NACC1: variants seen among roughly 807,000 people sequenced by gnomAD.
The protein encoded by NACC1 is nucleus accumbens associated 1, also known as nucleus accumbens-associated protein 1.
Under a neutral mutation model 41.7 loss-of-function variants are expected in NACC1, and 6 were observed. The ratio of observed to expected loss-of-function variants is 0.14; its 90% confidence interval spans 0.08 to 0.28. NACC1 has a LOEUF of 0.28. NACC1 is among the 10% of genes least tolerant of loss of function. NACC1 has a pLI of 1.00. For synonymous variants in NACC1, 338 were observed against 330.6 expected, an observed-to-expected ratio of 1.02 and a Z score of -0.24; for missense variants, 434 against 763.7, an observed-to-expected ratio of 0.57 and a Z score of 5.09.
chr19:13,130,120 A>G (rs779878641), intron 1 of NACC1, among the ~76,000 whole-genome samples: 2 of 152,106 alleles, frequency 1.3e-5, no homozygotes, highest in African/African-American at 2.4e-5. Flanking sequence ...TCTATGACCC[A>G]GGCTGAAATA....
intron 1 of NACC1, among the ~76,000 whole-genome samples, chr19:13,134,857 T>A (rs1021980853): frequency 1.3e-5 from 2 of 152,220 alleles, no homozygotes; most frequent in Non-Finnish European, 2.9e-5. Context: ...GGTAGCACAC[T>A]GTGTCCTAGC....
rs201327710 is a variant in NACC1 at position 13,136,233 on chromosome 19, C to G, written c.948C>G (p.Ala316=). The G allele has an allele frequency of 6.2e-7, 1 of 1,611,510 alleles. No individual in the cohort carries two copies. The highest frequency in any genetic ancestry group is 1.3e-5 in the African/African-American group (1 of 74,894). ...TCGCGTGCCACTCTCTCCCTGCAGCCGAGAAGGTGGAGGCCCTCCCGGAGC... is the reference window on the plus strand; with the variant it reads ...TCGCGTGCCACTCTCTCCCTGCAGCGGAGAAGGTGGAGGCCCTCCCGGAGC... ...MYSMMNVGQT[A]EKVEALPEQV... The change falls in exon 3 of 6, where the codon GCC becomes GCG. Residue 316 remains alanine, a splice_region_variant and synonymous_variant. Transcript: ENST00000292431. This position sits in a 1 kb window ranked among gnomAD's most constrained non-coding sequence, Gnocchi z 5.5.
rs1178993941 is a variant in NACC1, at chr19:13,140,581, C to A, written c.*2175C>A. The A allele has an allele frequency of 7.1e-6, 1 of 140,574 alleles. No individual in the cohort carries two copies. The highest frequency in any genetic ancestry group is 2.6e-5 in the African/African-American group (1 of 37,882). The allele number at this position is 140,574 out of a possible 1,614,324, so 8.7% of individuals were successfully genotyped here. A position where few individuals can be genotyped will look rare whatever the true frequency, so the allele number is the denominator to read the frequency against. ...CAGAGCCCACTTGTTTCAGGGACCC[C>A]AGGAGGTGCCCCCTGGCTCCCAGGA... On this transcript the variant is annotated 3_prime_UTR_variant, in exon 6 of 6. Transcript: ENST00000292431. The surrounding 1 kb of genome is among the most constrained non-coding windows in gnomAD (Gnocchi z 4.0).
intron 1 of NACC1, among the ~76,000 whole-genome samples, chr19:13,134,049 G>T (rs1196137028): frequency 6.6e-6 from 1 of 152,022 alleles, no homozygotes; most frequent in Non-Finnish European, 1.5e-5. Flanking sequence ...TTTCATGTAA[G>T]TTATTTATTT....
Position 13,136,433 on chromosome 19 carries a change from C to T in NACC1, c.1120+28C>T, listed in dbSNP as rs1433788589. 5.0e-6 allele frequency: 8 copies of T among 1,587,052 alleles called. No individual in the cohort carries two copies. Among genetic ancestry groups the T allele is most frequent in the Non-Finnish European group, 6.9e-6 (8 of 1,166,442 alleles). ...GGGCCGGTCTCGCCCCAGATCTCTC[C>T]CCTCCGCAGCTTTGGAGCCGGCTGG... On this transcript the variant is annotated intron_variant, in intron 3 of 5. Transcript: ENST00000292431. This position sits in a 1 kb window ranked among gnomAD's most constrained non-coding sequence, Gnocchi z 5.5.
chr19:13,124,246 A>G (rs534083542), intron 1 of NACC1, among the ~76,000 whole-genome samples: 1 of 152,178 alleles, frequency 6.6e-6, no homozygotes, highest in South Asian at 2.1e-4. Context: ...CTAAAAATAC[A>G]AAAATTAGCC....
rs1338824100 is a variant in NACC1, at chr19:13,137,617, C to T, written c.1324+42C>T. 4.0e-6 allele frequency: 6 copies of T among 1,503,836 alleles called. No homozygotes were observed. Among genetic ancestry groups the T allele is most frequent in the East Asian group, 2.5e-5 (1 of 40,088 alleles). 93.2% of individuals were successfully genotyped at this position (1,503,836 alleles called of 1,614,324 possible). ...CTGGACGAGGCGTGGGCCCGGGGCA[C>T]GCAGGTTGACGTTTTTTCCCAGCCT... On this transcript the variant is annotated intron_variant, in intron 5 of 5. Coordinates refer to ENST00000292431, the MANE Select transcript of NACC1 (RefSeq NM_052876.4). This position sits in a 1 kb window ranked among gnomAD's most constrained non-coding sequence, Gnocchi z 6.1.
chr19:13,125,142 CAG>C (rs772337056), intron 1 of NACC1, among the ~76,000 whole-genome samples: 2 of 152,108 alleles, frequency 1.3e-5, no homozygotes, highest in African/African-American at 2.4e-5. Flanking sequence ...GCCTGGGTGA[CAG>C]AGCAAGACCC....
intron 1 of NACC1, among the ~76,000 whole-genome samples, chr19:13,123,050 G>A (rs1022170071): frequency 6.6e-6 from 1 of 152,140 alleles, no homozygotes; most frequent in African/African-American, 2.4e-5. Flanking sequence ...CTCTATAAGG[G>A]ATTTGAGCCT....
chr19:13,127,429 G>T (rs554031623), intron 1 of NACC1, among the ~76,000 whole-genome samples: 1 of 128,324 alleles, frequency 7.8e-6, no homozygotes, highest in East Asian at 2.2e-4. Context: ...GGGTGCCGTG[G>T]CTCACGCCTG....
In NACC1 at chr19:13,136,458, G is replaced by A; in HGVS notation, c.1120+53G>A. ...CCCTCCGCAGCTTTGGAGCCGGCTG[G>A]CCTGGGCTGGGCTGGGCAGCTGGTT... On this transcript the variant is annotated intron_variant, in intron 3 of 5. Coordinates refer to ENST00000292431, the MANE Select transcript of NACC1 (RefSeq NM_052876.4). The surrounding 1 kb of genome is among the most constrained non-coding windows in gnomAD (Gnocchi z 5.5). 6.4e-7 allele frequency: 1 copy of A among 1,560,086 alleles called. No homozygotes were observed. Among genetic ancestry groups the A allele is most frequent in the Non-Finnish European group, 8.7e-7 (1 of 1,154,030 alleles).
rs974787700 is a variant in NACC1 at position 13,137,918 on chromosome 19, C to G, written c.1325-229C>G. On this transcript the variant is annotated intron_variant, in intron 5 of 5. Transcript: ENST00000292431. The surrounding 1 kb of genome is among the most constrained non-coding windows in gnomAD (Gnocchi z 6.1). ...CGTTACTAAATTCTGGCAAATGATC[C>G]GAATTTTTCAAGAACACGGGGCCAT... 6.6e-6 allele frequency among the ~76,000 whole-genome samples: 1 copy of G among 152,190 alleles called. No individual in the cohort carries two copies. The highest frequency in any genetic ancestry group is 1.5e-5 in the Non-Finnish European group (1 of 68,030).
chr19:13,133,692 GT>G (rs916349085), intron 1 of NACC1, among the ~76,000 whole-genome samples: 8 of 152,288 alleles, frequency 5.3e-5, no homozygotes, highest in African/African-American at 1.9e-4. Flanking sequence ...CGTTTGGATT[GT>G]TTCCACCTTT....
intron 1 of NACC1, among the ~76,000 whole-genome samples, chr19:13,129,427 T>G (rs1475134890): frequency 2.0e-5 from 3 of 151,298 alleles, no homozygotes; most frequent in African/African-American, 7.4e-5. Flanking sequence ...TTCTCCTGAG[T>G]CCATTGGGCA....
At chr19:13,120,488 T>G (rs1490223655) in intron 1 of NACC1, among the ~76,000 whole-genome samples, 1 of 152,238 alleles carries the variant, frequency 6.6e-6, no homozygotes, top group Non-Finnish European at 1.5e-5. Flanking sequence ...GGTTTAATGA[T>G]GGGTTGTCAC....
intron 1 of NACC1, among the ~76,000 whole-genome samples, chr19:13,125,927 G>A (rs1201475227): frequency 6.6e-6 from 1 of 151,712 alleles, no homozygotes; most frequent in African/African-American, 2.4e-5. Flanking sequence ...AGTAGAGATG[G>A]GGTTTCACCA....
intron 1 of NACC1, among the ~76,000 whole-genome samples, chr19:13,125,323 G>C (rs1163000284): frequency 1.3e-5 from 2 of 151,770 alleles, no homozygotes; most frequent in Non-Finnish European, 2.9e-5. Flanking sequence ...GGGTGGCAAG[G>C]ACAAACAAGC....
chr19:13,121,325 G>T (rs1006076773), intron 1 of NACC1, among the ~76,000 whole-genome samples: 3 of 152,130 alleles, frequency 2.0e-5, no homozygotes, highest in African/African-American at 7.2e-5. Flanking sequence ...GGGAAGGAGT[G>T]GGGGGATGAC....
intron 1 of NACC1, among the ~76,000 whole-genome samples, chr19:13,123,551 GAAGAATGAA>G (rs995105012): frequency 2.6e-5 from 4 of 152,154 alleles, no homozygotes; most frequent in African/African-American, 4.8e-5. Flanking sequence ...ATTGGGAAAG[GAAGAATGAA>G]AAGAATGAAG....
Sources: gnomAD v4.1 joint callset for allele counts (sites outside exome capture counted in the v4.1 genomes callset) on GRCh38, gnomAD v4.1.1 for gene constraint, Gnocchi (gnomAD v3.1) non-coding constraint, MANE v1.5 for transcripts, NCBI Gene and HGNC (gene_info 2026-07-23, HGNC 2026-07-21) for gene names.